ODAD2: variants seen among roughly 807,000 people sequenced by gnomAD.
The protein encoded by ODAD2 is outer dynein arm-docking complex subunit 2.
Under a neutral mutation model 106.8 loss-of-function variants are expected in ODAD2, and 89 were observed. That is an observed-to-expected ratio of 0.83 (90% CI 0.70 to 0.99). The LOEUF is 0.99. Among genes scored for constraint, ODAD2 ranks in the 50% least tolerant of loss-of-function variants. ODAD2 has a pLI of 0.00. For missense variants in ODAD2, 1,168 were observed against 1,238.5 expected (o/e 0.94, Z 0.85); for synonymous variants, 404 against 436.2 (o/e 0.93, Z 0.92).
chr10:27,845,868 G>T (rs12415609), intron 19 of ODAD2, among the ~76,000 whole-genome samples: 1 of 152,296 alleles, frequency 6.6e-6, no homozygotes, highest in Non-Finnish European at 1.5e-5. Context: ...AACAAGAAGA[G>T]CTAACTATCC....
intron 1 of ODAD2, chr10:27,997,344 C>A (rs1465622308): frequency 6.6e-6 from 1 of 152,214 alleles, no homozygotes; most frequent in South Asian, 2.1e-4. Flanking sequence ...TTATCTTATA[C>A]AGAAAGGCTT....
intron 19 of ODAD2, among the ~76,000 whole-genome samples, chr10:27,832,393 A>T (rs1837543334): frequency 6.6e-6 from 1 of 152,186 alleles, no homozygotes; most frequent in East Asian, 1.9e-4. Flanking sequence ...TCCTAGTGCC[A>T]ACCCTAGAAG....
chr10:27,834,523 A>G (rs922259247), intron 19 of ODAD2, among the ~76,000 whole-genome samples: 5 of 152,050 alleles, frequency 3.3e-5, no homozygotes, highest in Non-Finnish European at 7.4e-5. Flanking sequence ...GCCATGTGCT[A>G]TCATCAAAGA....
intron 16 of ODAD2, among the ~76,000 whole-genome samples, chr10:27,929,943 T>C (rs1845500657): frequency 6.6e-6 from 1 of 152,188 alleles, no homozygotes; most frequent in South Asian, 2.1e-4. Context: ...AGCAAAGTTT[T>C]CTTCTGTTAT....
At chr10:27,982,573 T>C (rs1311112667) in intron 6 of ODAD2, among the ~76,000 whole-genome samples, 2 of 152,166 alleles carry the variant, frequency 1.3e-5, no homozygotes, top group Non-Finnish European at 2.9e-5. Flanking sequence ...CTCAGTGTCA[T>C]GCTAATAAGA....
At chr10:27,888,318 A>G (rs1842362926) in intron 17 of ODAD2, among the ~76,000 whole-genome samples, 1 of 152,046 alleles carries the variant, frequency 6.6e-6, no homozygotes, top group Non-Finnish European at 1.5e-5. Flanking sequence ...ACCCTTGCCA[A>G]CATACATTGT....
At chr10:27,887,974 C>G (rs1205175529) in intron 17 of ODAD2, among the ~76,000 whole-genome samples, 2 of 151,932 alleles carry the variant, frequency 1.3e-5, no homozygotes, top group Admixed American at 6.6e-5. Context: ...AACAACCTAC[C>G]AAGACTGAAT....
At chr10:27,844,973 CATTCAAT>C (rs1477252887) in intron 19 of ODAD2, among the ~76,000 whole-genome samples, 1 of 152,146 alleles carries the variant, frequency 6.6e-6, no homozygotes, top group Non-Finnish European at 1.5e-5. Flanking sequence ...CTTCTAGGCA[CATTCAAT>C]TTTTCCCAAG....
At chr10:27,850,976 C>T (rs1164111542) in intron 19 of ODAD2, among the ~76,000 whole-genome samples, 1 of 152,130 alleles carries the variant, frequency 6.6e-6, no homozygotes, top group African/African-American at 2.4e-5. Context: ...GTCTTCAGGG[C>T]AGATAATGGA....
At chr10:27,998,486 G>A (rs1204138303) in intron 1 of ODAD2, among the ~76,000 whole-genome samples, 1 of 152,122 alleles carries the variant, frequency 6.6e-6, no homozygotes, top group Non-Finnish European at 1.5e-5. Flanking sequence ...CTGGGGGAAG[G>A]AGAGGCAGGG....
chr10:27,998,477 T>C (rs987297613), intron 1 of ODAD2, among the ~76,000 whole-genome samples: 9 of 151,546 alleles, frequency 5.9e-5, no homozygotes, highest in Admixed American at 5.2e-4. Flanking sequence ...AAAGACGGGC[T>C]GGGGGAAGGA....
At chr10:27,915,727 C>T (rs908175655) in intron 16 of ODAD2, among the ~76,000 whole-genome samples, 4 of 152,106 alleles carry the variant, frequency 2.6e-5, no homozygotes, top group East Asian at 3.9e-4. Flanking sequence ...TGAAAACATC[C>T]TTCAAAAGGG....
At chr10:27,828,474 T>C (rs1457405382) in intron 19 of ODAD2, among the ~76,000 whole-genome samples, 2 of 152,012 alleles carry the variant, frequency 1.3e-5, no homozygotes, top group African/African-American at 4.8e-5. Context: ...AGAAGGAAGA[T>C]GATTAGACTG....
At chr10:27,844,411 G>A (rs1838554811) in intron 19 of ODAD2, among the ~76,000 whole-genome samples, 1 of 152,104 alleles carries the variant, frequency 6.6e-6, no homozygotes, top group Non-Finnish European at 1.5e-5. Flanking sequence ...TTGTGCTCTA[G>A]CCTATAAAGC....
At chr10:27,921,796 C>CA (rs1464097510) in intron 16 of ODAD2, among the ~76,000 whole-genome samples, 1 of 144,052 alleles carries the variant, frequency 6.9e-6, no homozygotes, top group Non-Finnish European at 1.5e-5. Context: ...TCAGACTTTT[C>CA]AAAAAAATGT....
At chr10:27,883,497 A>G (rs570404856) in intron 17 of ODAD2, among the ~76,000 whole-genome samples, 11 of 152,340 alleles carry the variant, frequency 7.2e-5, no homozygotes, top group African/African-American at 2.6e-4. Flanking sequence ...GATACATACA[A>G]CAAAGGAGAA....
intron 9 of ODAD2, among the ~76,000 whole-genome samples, chr10:27,965,300 G>T (rs1318693105): frequency 5.3e-5 from 8 of 152,200 alleles, no homozygotes; most frequent in Non-Finnish European, 2.9e-5. Context: ...CCCATGCCCT[G>T]TGGTTACACA....
chr10:27,885,932 C>A (rs1842190315), intron 17 of ODAD2, among the ~76,000 whole-genome samples: 1 of 115,510 alleles, frequency 8.7e-6, no homozygotes, highest in Non-Finnish European at 1.7e-5. Flanking sequence ...TATATATATC[C>A]AAACAAATTC....
intron 19 of ODAD2, among the ~76,000 whole-genome samples, chr10:27,857,090 C>T (rs1221847004): frequency 2.6e-5 from 4 of 152,102 alleles, no homozygotes; most frequent in African/African-American, 9.7e-5. Flanking sequence ...TTAAACTGCA[C>T]GAGTCCACTT....
Sources: allele counts gnomAD v4.1 joint callset (sites outside exome capture counted in the v4.1 genomes callset), GRCh38; gene constraint gnomAD v4.1.1; transcripts MANE v1.5; gene names NCBI Gene and HGNC (gene_info 2026-07-23, HGNC 2026-07-21).